Variants in RMP64 observed in about 807,000 individuals in gnomAD.
The protein encoded by RMP64 is ribonuclease MRP subunit p64, also known as nucleolus and neural progenitor protein.
chr3:113,018,809 C>T, the RMP64 span, among the ~76,000 whole-genome samples: 5 of 152,166 alleles, frequency 3.3e-5, no homozygotes, highest in Non-Finnish European at 7.3e-5. Flanking sequence ...GAGGAAGGTG[C>T]TTTTATCTCC....
At chr3:113,014,770 G>A in the RMP64 span, 3 of 152,018 alleles carry the variant, frequency 2.0e-5, no homozygotes, top group Admixed American at 6.5e-5. Flanking sequence ...TTTAATCACT[G>A]AACAAATATA....
chr3:113,006,944 T>C, the RMP64 span, among the ~76,000 whole-genome samples: 1 of 152,222 alleles, frequency 6.6e-6, no homozygotes, highest in East Asian at 1.9e-4. Flanking sequence ...AATTATAAAG[T>C]TTACTACAAA....
At chr3:113,016,148 G>A in the RMP64 span, among the ~76,000 whole-genome samples, 1 of 152,096 alleles carries the variant, frequency 6.6e-6, no homozygotes, top group Non-Finnish European at 1.5e-5. Context: ...TAAGAAGACT[G>A]AAGAGGCCAG....
the RMP64 span, among the ~76,000 whole-genome samples, chr3:113,006,301 T>C: frequency 1.3e-5 from 2 of 152,208 alleles, no homozygotes; most frequent in Non-Finnish European, 2.9e-5. Context: ...GTCAGAGCTT[T>C]TCCCTCATAA....
the RMP64 span, chr3:113,002,998 A>C: frequency 1.9e-4 from 29 of 152,420 alleles, no homozygotes; most frequent in African/African-American, 6.7e-4. Flanking sequence ...TGGAAGTGAC[A>C]CACAGGAGGT....
At chr3:113,010,813 G>C in the RMP64 span, 1 of 966,940 alleles carries the variant, frequency 1.0e-6, no homozygotes, top group Non-Finnish European at 1.6e-6. Flanking sequence ...ACAAAATAAA[G>C]GAATAAAGCA....
the RMP64 span, chr3:113,019,309 T>C: frequency 1.8e-6 from 1 of 561,012 alleles, no homozygotes; most frequent in East Asian, 3.2e-5. Context: ...CTTTCATCTC[T>C]CCAGCCAAGC....
chr3:113,015,680 C>T, the RMP64 span, among the ~76,000 whole-genome samples: 5 of 152,002 alleles, frequency 3.3e-5, no homozygotes, highest in African/African-American at 1.2e-4. Context: ...AAATATTAAG[C>T]AGTTGTAAGG....
chr3:113,012,979 A>G, the RMP64 span: 1 of 619,880 alleles, frequency 1.6e-6, no homozygotes, highest in South Asian at 2.0e-5. Context: ...ATGGTTATAA[A>G]CACTCTGCTA....
chr3:113,003,599 G>A, the RMP64 span: 1 of 152,176 alleles, frequency 6.6e-6, no homozygotes, highest in African/African-American at 2.4e-5. Flanking sequence ...AAAATGAGAG[G>A]AGATGAAGAT....
chr3:113,013,099 G>A, the RMP64 span: 9 of 680,998 alleles, frequency 1.3e-5, no homozygotes, highest in Non-Finnish European at 1.8e-5. Flanking sequence ...GGCAGTCTCT[G>A]GCAATGGCTG....
At chr3:113,015,759 A>G in the RMP64 span, among the ~76,000 whole-genome samples, 1 of 152,028 alleles carries the variant, frequency 6.6e-6, no homozygotes. Flanking sequence ...TACTTCAGGG[A>G]TCACATGGAA....
At chr3:113,002,590 T>TC in the RMP64 span, 1 of 152,324 alleles carries the variant, frequency 6.6e-6, no homozygotes, top group African/African-American at 2.4e-5. Flanking sequence ...TGAAGTCACC[T>TC]CCTCAGGGAA....
the RMP64 span, chr3:113,008,571 A>G: frequency 3.0e-6 from 2 of 674,894 alleles, no homozygotes; most frequent in Admixed American, 2.7e-5. Context: ...TGGATACCCC[A>G]TTTACCCTGT....
At chr3:113,006,486 C>A in the RMP64 span, among the ~76,000 whole-genome samples, 1 of 152,178 alleles carries the variant, frequency 6.6e-6, no homozygotes, top group East Asian at 1.9e-4. Flanking sequence ...GAAGACAGGG[C>A]TTCTGGCCCA....
chr3:113,008,460 T>C, the RMP64 span: 32,987 of 1,574,628 alleles, frequency 0.021, 2,079 homozygotes, highest in East Asian at 0.21. Flanking sequence ...GAAAAATATA[T>C]TGGACATGTT....
the RMP64 span, chr3:113,014,299 TA>T: frequency 6.7e-6 from 2 of 300,014 alleles, no homozygotes; most frequent in Non-Finnish European, 1.3e-5. Flanking sequence ...CTTGATGTCA[TA>T]AAAGGGACCA....
chr3:113,017,382 G>T, the RMP64 span: 1 of 1,309,604 alleles, frequency 7.6e-7, no homozygotes, highest in South Asian at 1.4e-5. Context: ...TAGCAATATA[G>T]TAAGTGGCAG....
the RMP64 span, among the ~76,000 whole-genome samples, chr3:113,013,683 C>G: frequency 1.3e-5 from 2 of 152,018 alleles, no homozygotes; most frequent in African/African-American, 2.4e-5. Flanking sequence ...GCTTTAAGCT[C>G]AACTTGAGGT....
Sources: allele counts gnomAD v4.1 joint callset (sites outside exome capture counted in the v4.1 genomes callset), GRCh38; gene constraint gnomAD v4.1.1; transcripts MANE v1.5; gene names NCBI Gene and HGNC (gene_info 2026-07-23, HGNC 2026-07-21).